CHN1: variants seen among roughly 807,000 people sequenced by gnomAD.
The protein encoded by CHN1 is N-chimaerin.
In CHN1, 37 loss-of-function variants were observed where a neutral mutation model predicts 59.5. The observed-to-expected ratio is 0.62, with a 90% CI of 0.48 to 0.82. The LOEUF (loss-of-function observed/expected upper bound fraction) is 0.82. CHN1 is among the 40% of genes least tolerant of loss of function. CHN1 has a pLI of 0.00. For missense variants in CHN1, 469 were observed against 571.0 expected (o/e 0.82, Z 1.82); for synonymous variants, 206 against 200.4 (o/e 1.03, Z -0.24).
chr2:174,809,021 G>T lies in CHN1; in HGVS notation c.986C>A (p.Ser329Tyr). The change falls in exon 11 of 13, where the codon TCT (serine) becomes TAT (tyrosine). Residue 329 changes from serine (S) to tyrosine (Y), a missense_variant. By Grantham distance (144) the Ser-to-Tyr change is moderately radical (BLOSUM62 -2). This residue lies in a region of CHN1 where 225 missense variants were observed against 289.9 expected (regional missense o/e 0.78). Coordinates refer to ENST00000409900, the MANE Select transcript of CHN1 (RefSeq NM_001822.7). ...FDRDGEKADI[S>Y]VNMYEDINII... ...GTTGATATCTTCATACATGTTCACA[G>T]AAATATCTGCCTTCTCACCATCTTT... 6.2e-7 allele frequency: 1 copy of T among 1,609,316 alleles called. No individual in the cohort carries two copies. Among genetic ancestry groups the T allele is most frequent in the Non-Finnish European group, 8.5e-7 (1 of 1,177,922 alleles).
In CHN1 at chr2:174,877,887, G is replaced by A. The variant is rs879838315; in HGVS notation, c.502C>T (p.His168Tyr). Reference sequence around the variant, plus strand: ...TGGCCTGTAGAATCTCTCTCATCATGTGTCTCTTTCAGGACTGGCATATGT... The same window carrying A: ...TGGCCTGTAGAATCTCTCTCATCATATGTCTCTTTCAGGACTGGCATATGT... ...KKHMPVLKET[H>Y]DERDSTGQDG... Residue 168 changes from histidine (H) to tyrosine (Y), a missense_variant, in exon 6 of 13, where the codon CAT becomes TAT. Transcript: ENST00000409900. 1 of 1,613,722 alleles carries A rather than the reference G, an allele frequency of 6.2e-7. No individual in the cohort carries two copies. The highest frequency in any genetic ancestry group is 8.5e-7 in the Non-Finnish European group (1 of 1,179,760).
chr2:174,937,452 T>A (rs1689531720), intron 3 of CHN1, among the ~76,000 whole-genome samples: 1 of 152,216 alleles, frequency 6.6e-6, no homozygotes, highest in Non-Finnish European at 1.5e-5. Flanking sequence ...AGTCACTGGA[T>A]CCATTTTAAA....
chr2:174,924,399 C>T (rs527862595), intron 3 of CHN1, among the ~76,000 whole-genome samples: 12 of 152,166 alleles, frequency 7.9e-5, no homozygotes, highest in African/African-American at 2.9e-4. Context: ...ATCTCTATCA[C>T]CCTTTGTTAA....
chr2:174,931,304 C>A (rs1689341139), intron 3 of CHN1, among the ~76,000 whole-genome samples: 1 of 152,122 alleles, frequency 6.6e-6, no homozygotes, highest in Non-Finnish European at 1.5e-5. Context: ...GCATGTGAAT[C>A]TTTATTTTTT....
chr2:174,862,844 T>C (rs1687109903), intron 6 of CHN1, among the ~76,000 whole-genome samples: 1 of 152,138 alleles, frequency 6.6e-6, no homozygotes, highest in Non-Finnish European at 1.5e-5. Context: ...TGAGGAAAAG[T>C]ATTCTTTGTT....
chr2:174,875,902 T>C, intron 6 of CHN1: 1 of 852,412 alleles, frequency 1.2e-6, no homozygotes, highest in Non-Finnish European at 1.4e-6. Context: ...AGTGAGTAGA[T>C]TTTAAGCCAG....
At chr2:174,846,240 T>A in intron 7 of CHN1, 1 of 1,498,926 alleles carries the variant, frequency 6.7e-7, no homozygotes, top group Non-Finnish European at 8.9e-7. Flanking sequence ...AACACACATA[T>A]CACCTTGAAA....
At chr2:174,833,875 T>G (rs1685971344) in intron 7 of CHN1, among the ~76,000 whole-genome samples, 1 of 151,232 alleles carries the variant, frequency 6.6e-6, no homozygotes, top group South Asian at 2.1e-4. Context: ...CACTGCAGCC[T>G]CACACTCCTG....
At chr2:174,977,360 C>T (rs549898366) in intron 1 of CHN1, among the ~76,000 whole-genome samples, 2 of 152,290 alleles carry the variant, frequency 1.3e-5, no homozygotes, top group Non-Finnish European at 2.9e-5. Context: ...TACCTGTTCA[C>T]CTGATTTGTC....
chr2:174,808,270 T>G (rs1184949923), intron 11 of CHN1, among the ~76,000 whole-genome samples: 2 of 152,130 alleles, frequency 1.3e-5, no homozygotes, highest in African/African-American at 4.8e-5. Context: ...AAAAGATAGT[T>G]GGTTTTTTGT....
chr2:174,909,391 G>A (rs1688625810), intron 5 of CHN1, among the ~76,000 whole-genome samples: 1 of 152,186 alleles, frequency 6.6e-6, no homozygotes, highest in African/African-American at 2.4e-5. Flanking sequence ...TCTAGGAGCA[G>A]ATGCTAGGTT....
chr2:174,807,470 GT>G (rs1684929785), intron 11 of CHN1, among the ~76,000 whole-genome samples: 2 of 144,086 alleles, frequency 1.4e-5, no homozygotes, highest in Non-Finnish European at 3.1e-5. Context: ...GTGTGTGTGT[GT>G]GTGTGTGTGT....
intron 7 of CHN1, among the ~76,000 whole-genome samples, chr2:174,833,683 T>C (rs1194460052): frequency 3.3e-5 from 5 of 152,220 alleles, no homozygotes; most frequent in Admixed American, 1.3e-4. Context: ...TATTCCTTTT[T>C]TTATGTTTTA....
At chr2:174,941,870 A>C (rs1358781368) in intron 3 of CHN1, among the ~76,000 whole-genome samples, 1 of 152,178 alleles carries the variant, frequency 6.6e-6, no homozygotes, top group Non-Finnish European at 1.5e-5. Flanking sequence ...TTGTACAGTC[A>C]GAATAATATG....
At chr2:174,874,768 A>G (rs1442255673) in intron 6 of CHN1, among the ~76,000 whole-genome samples, 1 of 152,180 alleles carries the variant, frequency 6.6e-6, no homozygotes, top group Non-Finnish European at 1.5e-5. Context: ...GGGTGATCAA[A>G]TAAGTATGAG....
At position 174,852,567 on chromosome 2, in the gene CHN1, T is replaced by A. The variant is rs138676325; in HGVS notation, c.550-5610A>T. Among the ~76,000 whole-genome samples the A allele has an allele frequency of 4.5e-3, 679 of 152,286 alleles. 6 individuals carry two copies. The highest frequency in any genetic ancestry group is 0.015 in the African/African-American group (639 of 41,558). On this transcript the variant is annotated intron_variant, in intron 6 of 12. Coordinates refer to ENST00000409900, the MANE Select transcript of CHN1 (RefSeq NM_001822.7). ...TTACCAACATCATTCTTTACAGAATTAGAAAAACCTATTCTAAAATTCATA... is the reference window on the plus strand; with the variant it reads ...TTACCAACATCATTCTTTACAGAATAAGAAAAACCTATTCTAAAATTCATA...
Position 174,878,186 on chromosome 2 carries a change from T to TA in CHN1, c.261-59_261-58insT, listed in dbSNP as rs199956440. 2.2e-3 allele frequency: 3,182 copies of TA among 1,437,142 alleles called. 40 individuals carry two copies. The African/African-American group carries it at 0.041, about 19-fold the overall frequency. 89.0% of individuals were successfully genotyped at this position (1,437,142 alleles called of 1,614,324 possible). On this transcript the variant is annotated intron_variant, in intron 5 of 12. Transcript: ENST00000409900. ...GAAAAGTAAGCAACTGAATTCTTTC[T>TA]GAAAAAAAAACAAAAACAAAAAAAA...
intron 5 of CHN1, among the ~76,000 whole-genome samples, chr2:174,885,658 T>C (rs1201590848): frequency 1.3e-5 from 2 of 151,702 alleles, no homozygotes; most frequent in Non-Finnish European, 2.9e-5. Flanking sequence ...TTTAGTAGAG[T>C]TGGGGTTTTG....
intron 3 of CHN1, among the ~76,000 whole-genome samples, chr2:174,940,462 C>A (rs1248021544): frequency 1.3e-5 from 2 of 152,040 alleles, no homozygotes; most frequent in African/African-American, 2.4e-5. Flanking sequence ...AAGTTGAGGA[C>A]CCGATCAAGG....
Sources: allele counts gnomAD v4.1 joint callset (sites outside exome capture counted in the v4.1 genomes callset), GRCh38; gene constraint gnomAD v4.1.1; regional missense constraint gnomAD v4.1.1; transcripts MANE v1.5; gene names NCBI Gene and HGNC (gene_info 2026-07-23, HGNC 2026-07-21).